AKR1C3: variants seen among roughly 807,000 people sequenced by gnomAD.
The protein encoded by AKR1C3 is 3-alpha hydroxysteroid dehydrogenase, type II.
AKR1C3 carries 48 observed loss-of-function variants against 43.6 expected under a neutral mutation model. That is an observed-to-expected ratio of 1.10 (90% confidence interval 0.87 to 1.40). The LOEUF (loss-of-function observed/expected upper bound fraction) is 1.40. Ranked by LOEUF, AKR1C3 falls within the 40% of genes most tolerant of loss-of-function variation. The pLI, the probability that AKR1C3 is intolerant of heterozygous loss-of-function variation, is 0.00. For synonymous variants in AKR1C3, 162 were observed against 139.6 expected, an observed-to-expected ratio of 1.16 and a Z score of -1.13; for missense variants, 482 against 391.2, an observed-to-expected ratio of 1.23 and a Z score of -1.96.
intron 1 of AKR1C3, among the ~76,000 whole-genome samples, chr10:5,060,398 A>G (rs1838357031): frequency 6.6e-6 from 1 of 152,176 alleles, no homozygotes. Context: ...TGGTGCATTT[A>G]CAATCCCTGA....
chr10:5,105,513 G>C lies in AKR1C3; in HGVS notation c.847-82G>C, dbSNP rs34936429. The C allele has an allele frequency of 2.5e-3, 2,570 of 1,048,818 alleles. 40 individuals carry two copies. In the African/African-American group the frequency reaches 0.035, roughly 14 times the overall value. The allele number at this position is 1,048,818 out of a possible 1,614,324, so 65.0% of individuals were successfully genotyped here. A position where few individuals can be genotyped will look rare whatever the true frequency, so the allele number is the denominator to read the frequency against. ...AAAACTTACCAATATTTTAAGTATT[G>C]TCTCTGCACCCTACTGTCTAATATA... On this transcript the variant is annotated intron_variant, in intron 7 of 8. Coordinates refer to ENST00000380554, the MANE Select transcript of AKR1C3 (RefSeq NM_003739.6).
At chr10:5,085,986 C>T (rs1333211699) in intron 1 of AKR1C3, among the ~76,000 whole-genome samples, 4 of 151,722 alleles carry the variant, frequency 2.6e-5, no homozygotes, top group African/African-American at 9.7e-5. Flanking sequence ...ATTAGTCTTG[C>T]TAGCAGTCTA....
chr10:5,048,984 G>A (rs1247047992), intron 1 of AKR1C3: 1 of 1,015,110 alleles, frequency 9.9e-7, no homozygotes. Context: ...TTGTGTTCGT[G>A]TATTACTCTG....
At chr10:5,089,298 A>G (rs1554783723) in intron 1 of AKR1C3, among the ~76,000 whole-genome samples, 1 of 152,134 alleles carries the variant, frequency 6.6e-6, no homozygotes, top group Non-Finnish European at 1.5e-5. Flanking sequence ...GTCTATCAGG[A>G]TAAAGAAAAT....
intron 5 of AKR1C3, chr10:5,099,705 G>T: frequency 1.9e-6 from 1 of 523,258 alleles, no homozygotes; most frequent in East Asian, 3.8e-5. Flanking sequence ...AGGGAGGCCT[G>T]GAATCATCAA....
chr10:5,052,884 G>A (rs954535042), intron 1 of AKR1C3, among the ~76,000 whole-genome samples: 10 of 151,622 alleles, frequency 6.6e-5, no homozygotes, highest in East Asian at 3.9e-4. Context: ...ACAGAGTGCC[G>A]ATTGGTGTAT....
chr10:5,073,784 A>G (rs1441471493), intron 1 of AKR1C3, among the ~76,000 whole-genome samples: 2 of 152,178 alleles, frequency 1.3e-5, no homozygotes, highest in African/African-American at 4.8e-5. Context: ...GCTTCTTGTT[A>G]GTAATTCTTC....
chr10:5,061,180 G>A (rs1225413210), intron 1 of AKR1C3, among the ~76,000 whole-genome samples: 1 of 152,218 alleles, frequency 6.6e-6, no homozygotes, highest in Non-Finnish European at 1.5e-5. Flanking sequence ...AGGACTGCAA[G>A]GGCTGCCAGC....
rs1210659054 is a variant in AKR1C3 at position 5,075,647 on chromosome 10, G to T, written c.85-20763G>T. 2.6e-5 allele frequency among the ~76,000 whole-genome samples: 4 copies of T among 152,096 alleles called. No homozygotes were observed. In the East Asian group the frequency reaches 5.8e-4, roughly 22 times the overall value. On this transcript the variant is annotated intron_variant, in intron 1 of 8. Coordinates refer to the AKR1C3 transcript ENST00000439082. Reference sequence around the variant, plus strand: ...CCCAGCACTTTGGGAGGCTGAGGTGGGCGAATCACCTGAGGTTGGGAGTTT... The same window carrying T: ...CCCAGCACTTTGGGAGGCTGAGGTGTGCGAATCACCTGAGGTTGGGAGTTT...
chr10:5,060,925 A>C (rs549634173), intron 1 of AKR1C3, among the ~76,000 whole-genome samples: 140 of 152,340 alleles, frequency 9.2e-4, no homozygotes, highest in African/African-American at 2.8e-3. Context: ...CGGGCTGGCC[A>C]GCTGCTCCAA....
chr10:5,072,018 C>T (rs1838620041), intron 1 of AKR1C3, among the ~76,000 whole-genome samples: 1 of 152,160 alleles, frequency 6.6e-6, no homozygotes, highest in South Asian at 2.1e-4. Flanking sequence ...AATCAGTACC[C>T]AGCTTTCTTT....
chr10:5,102,207 G>T lies in AKR1C3; in HGVS notation c.677G>T (p.Arg226Leu), dbSNP rs782758217. 32 of 1,611,870 alleles carry T rather than the reference G, an allele frequency of 2.0e-5. No individual in the cohort carries two copies. The highest frequency in any genetic ancestry group is 2.4e-5 in the Non-Finnish European group (28 of 1,178,414). The change falls in exon 6 of 9, where the codon CGA (arginine) becomes CTA (leucine). Residue 226 changes from arginine (R) to leucine (L), a missense_variant. By Grantham distance (102) the Arg-to-Leu change is moderately radical. Transcript: ENST00000380554. ...GCTCTGGGATCTCAACGAGACAAACGATGGTAATAAAAACAATGGGACCTT... is the reference window on the plus strand; with the variant it reads ...GCTCTGGGATCTCAACGAGACAAACTATGGTAATAAAAACAATGGGACCTT... Reference protein sequence around the residue: ...YSALGSQRDKRWVDPNSPVLL... With the variant: ...YSALGSQRDKLWVDPNSPVLL...
At chr10:5,067,155 T>A (rs1554780868) in intron 1 of AKR1C3, among the ~76,000 whole-genome samples, 1 of 151,982 alleles carries the variant, frequency 6.6e-6, no homozygotes, top group South Asian at 2.1e-4. Flanking sequence ...TATCCACTTA[T>A]AAGGCTGGCT....
chr10:5,070,180 A>T (rs563738002), intron 1 of AKR1C3, among the ~76,000 whole-genome samples: 13 of 152,322 alleles, frequency 8.5e-5, no homozygotes, highest in African/African-American at 3.1e-4. Flanking sequence ...CCAAGGAGAG[A>T]TTCCCCTGTA....
chr10:5,071,278 G>C (rs1838608403), intron 1 of AKR1C3, among the ~76,000 whole-genome samples: 1 of 152,216 alleles, frequency 6.6e-6, no homozygotes, highest in Non-Finnish European at 1.5e-5. Context: ...CAAAGCAGGA[G>C]AGTAAGAGAT....
chr10:5,060,073 A>G (rs1554780060), intron 1 of AKR1C3, among the ~76,000 whole-genome samples: 1 of 151,906 alleles, frequency 6.6e-6, no homozygotes, highest in African/African-American at 2.4e-5. Flanking sequence ...GAACGTCTGG[A>G]GTTGTTCATT....
intron 1 of AKR1C3, among the ~76,000 whole-genome samples, chr10:5,057,116 C>T (rs1221515643): frequency 2.0e-5 from 3 of 152,206 alleles, no homozygotes; most frequent in Non-Finnish European, 2.9e-5. Context: ...GAACCTTTGT[C>T]CTCTGGGGCA....
At chr10:5,066,719 C>G (rs1838511296) in intron 1 of AKR1C3, among the ~76,000 whole-genome samples, 1 of 152,222 alleles carries the variant, frequency 6.6e-6, no homozygotes, top group African/African-American at 2.4e-5. Flanking sequence ...GCAGTCTCAT[C>G]TCCTTCACTG....
intron 1 of AKR1C3, among the ~76,000 whole-genome samples, chr10:5,078,762 C>T (rs1206130384): frequency 1.3e-5 from 2 of 152,204 alleles, no homozygotes; most frequent in African/African-American, 4.8e-5. Context: ...ATGCTGTTAT[C>T]TCTGCTTTGT....
Sources: allele counts gnomAD v4.1 joint callset (sites outside exome capture counted in the v4.1 genomes callset), GRCh38; gene constraint gnomAD v4.1.1; transcripts MANE v1.5; gene names NCBI Gene and HGNC (gene_info 2026-07-23, HGNC 2026-07-21).